Variants in GABRG3 observed in about 807,000 individuals in gnomAD.
GABRG3 encodes the protein gamma-aminobutyric acid type A receptor subunit gamma3.
GABRG3 carries 25 observed loss-of-function variants against 48.8 expected under a neutral mutation model. The ratio of observed to expected loss-of-function variants is 0.51; its 90% CI spans 0.37 to 0.72. The LOEUF is 0.72. Among genes scored for constraint, GABRG3 ranks in the 30% least tolerant of loss-of-function variants. GABRG3 has a pLI of 0.00. For missense variants in GABRG3, 394 were observed against 577.9 expected (o/e 0.68, Z 3.26); for synonymous variants, 227 against 217.6 (o/e 1.04, Z -0.38).
chr15:27,495,535 A>T (rs1359538490), intron 6 of GABRG3, among the ~76,000 whole-genome samples: 4 of 152,344 alleles, frequency 2.6e-5, no homozygotes. Context: ...AACTATCAAC[A>T]TAAATTAGAA....
rs1890794372 is a variant in GABRG3 at position 27,262,390 on chromosome 15, A to T, written c.271-64419A>T. Among the ~76,000 whole-genome samples, 2 of 146,696 alleles carry T rather than the reference A, an allele frequency of 1.4e-5. 1 individual carries two copies. The highest frequency in any genetic ancestry group is 4.4e-4 in the South Asian group (2 of 4,552). On this transcript the variant is annotated intron_variant, in intron 3 of 9. Transcript: ENST00000615808. ...GAATGCAACAGGATGTGTAGAGCTC[A>T]TCACCACTGAGGGCCTTAGTGATTC...
At chr15:27,038,894 C>A (rs1043470070) in intron 3 of GABRG3, among the ~76,000 whole-genome samples, 6 of 152,176 alleles carry the variant, frequency 3.9e-5, no homozygotes, top group Admixed American at 3.3e-4. Flanking sequence ...TGCCACTCTC[C>A]CCTCCCGGGT....
chr15:27,208,436 G>A (rs940439238), intron 3 of GABRG3: 5 of 203,612 alleles, frequency 2.5e-5, no homozygotes, highest in Middle Eastern at 5.2e-4. Flanking sequence ...GTGCATGAAA[G>A]ACCTGCCCTC....
chr15:27,057,757 A>G (rs1237399507), intron 3 of GABRG3, among the ~76,000 whole-genome samples: 23 of 152,236 alleles, frequency 1.5e-4, no homozygotes, highest in Non-Finnish European at 1.0e-4. Flanking sequence ...AGCAGGTGGA[A>G]TCGGTGTAGT....
At chr15:27,269,341 C>G (rs1891012437) in intron 3 of GABRG3, among the ~76,000 whole-genome samples, 1 of 152,198 alleles carries the variant, frequency 6.6e-6, no homozygotes, top group Admixed American at 6.5e-5. Flanking sequence ...GACCTGCCCA[C>G]CACCACCTGA....
chr15:27,001,922 AC>A (rs1174658245), intron 2 of GABRG3, among the ~76,000 whole-genome samples: 1 of 123,688 alleles, frequency 8.1e-6, no homozygotes, highest in East Asian at 2.3e-4. Flanking sequence ...GTCAGTGCAA[AC>A]TAGAGTGTTT....
chr15:27,522,548 T>A (rs1228145151), intron 7 of GABRG3, among the ~76,000 whole-genome samples: 1 of 151,722 alleles, frequency 6.6e-6, no homozygotes, highest in Non-Finnish European at 1.5e-5. Context: ...TAAATAGCAA[T>A]GAGGTTGGGG....
chr15:27,232,699 C>G (rs997537511), intron 3 of GABRG3, among the ~76,000 whole-genome samples: 1 of 152,162 alleles, frequency 6.6e-6, no homozygotes, highest in African/African-American at 2.4e-5. Flanking sequence ...AAAGGTGAGG[C>G]CGTTATTCTC....
chr15:27,393,316 C>G (rs1473494454), intron 5 of GABRG3, among the ~76,000 whole-genome samples: 5 of 148,816 alleles, frequency 3.4e-5, no homozygotes, highest in Non-Finnish European at 5.9e-5. Context: ...TGCACTCCAG[C>G]CTGGGTGACA....
At chr15:27,065,778 T>C (rs1159581579) in intron 3 of GABRG3, among the ~76,000 whole-genome samples, 4 of 152,252 alleles carry the variant, frequency 2.6e-5, no homozygotes, top group Non-Finnish European at 1.5e-5. Flanking sequence ...AGCACTTTAC[T>C]TGCTGCTTTT....
In GABRG3 at chr15:27,527,984, G is replaced by A; in HGVS notation, c.1114G>A (p.Ala372Thr). 6.3e-7 allele frequency: 1 copy of A among 1,597,692 alleles called. No individual in the cohort carries two copies. The highest frequency in any genetic ancestry group is 8.5e-7 in the Non-Finnish European group (1 of 1,170,762). Residue 372 changes from alanine to threonine, a missense_variant, in exon 9 of 10, where the codon GCC becomes ACC. Coordinates refer to ENST00000615808, the MANE Select transcript of GABRG3 (RefSeq NM_033223.5). ...RWIPERISLQ[A>T]PSNYSLLDMR... ...GATTCCTGAGCGAATAAGCCTACAA[G>A]CCCCTTCCGTACGTATAGCATTGCA...
intron 2 of GABRG3, among the ~76,000 whole-genome samples, chr15:27,019,937 A>T (rs1427853475): frequency 6.6e-6 from 1 of 152,188 alleles, no homozygotes; most frequent in African/African-American, 2.4e-5. Flanking sequence ...TTAAGCATAA[A>T]CATTATTTGA....
intron 5 of GABRG3, among the ~76,000 whole-genome samples, chr15:27,439,584 C>T (rs1450283209): frequency 1.3e-5 from 2 of 152,162 alleles, no homozygotes; most frequent in Non-Finnish European, 2.9e-5. Flanking sequence ...GTATTGTGGT[C>T]CATGATCCTC....
At chr15:27,161,357 T>C (rs2140404102) in intron 3 of GABRG3, 1 of 152,290 alleles carries the variant, frequency 6.6e-6, no homozygotes, top group East Asian at 1.9e-4. Context: ...GTGAGCTTCA[T>C]GTTTGCCTCT....
intron 3 of GABRG3, among the ~76,000 whole-genome samples, chr15:27,318,355 C>T (rs1439714951): frequency 2.0e-5 from 3 of 152,118 alleles, no homozygotes; most frequent in Non-Finnish European, 4.4e-5. Flanking sequence ...TTAACCTCAT[C>T]AGTAATACTC....
intron 5 of GABRG3, among the ~76,000 whole-genome samples, chr15:27,343,309 C>G (rs1253960110): frequency 6.6e-6 from 1 of 152,168 alleles, no homozygotes; most frequent in African/African-American, 2.4e-5. Flanking sequence ...CTCAAACAGA[C>G]CTGTGCTTTG....
intron 5 of GABRG3, among the ~76,000 whole-genome samples, chr15:27,386,705 C>T (rs374872987): frequency 6.6e-6 from 1 of 152,168 alleles, no homozygotes; most frequent in East Asian, 1.9e-4. Flanking sequence ...CAACCCCTGG[C>T]TAAGATGCTA....
intron 3 of GABRG3, among the ~76,000 whole-genome samples, chr15:27,030,679 G>A (rs549902903): frequency 5.1e-5 from 6 of 117,318 alleles, no homozygotes; most frequent in African/African-American, 2.0e-4. Context: ...AAGCAAAGAA[G>A]AAAACCAATG....
chr15:27,108,954 A>C (rs1897497675), intron 3 of GABRG3, among the ~76,000 whole-genome samples: 2 of 152,154 alleles, frequency 1.3e-5, no homozygotes, highest in African/African-American at 4.8e-5. Flanking sequence ...GCTCATAATA[A>C]AATAGGCAAA....
Sources: allele counts gnomAD v4.1 joint callset (sites outside exome capture counted in the v4.1 genomes callset), GRCh38; gene constraint gnomAD v4.1.1; transcripts MANE v1.5; gene names NCBI Gene and HGNC (gene_info 2026-07-23, HGNC 2026-07-21).